The following GMDS variants were observed in gnomAD, a reference collection of about 807,000 sequenced individuals.
GMDS encodes GDP-mannose 4,6-dehydratase.
A neutral mutation model predicts 49.9 loss-of-function variants in GMDS; 20 were observed. The ratio of observed to expected loss-of-function variants is 0.40; its 90% confidence interval spans 0.28 to 0.58. The LOEUF is 0.58. Among genes scored for constraint, GMDS ranks in the 20% least tolerant of loss-of-function variants. The pLI, the probability that GMDS is intolerant of heterozygous loss-of-function variation, is 0.42. For missense variants in GMDS, 362 were observed against 481.4 expected, an observed-to-expected ratio of 0.75 and a Z score of 2.32; for synonymous variants, 177 against 178.6, an observed-to-expected ratio of 0.99 and a Z score of 0.07.
intron 4 of GMDS, among the ~76,000 whole-genome samples, chr6:2,010,394 T>C (rs1767489043): frequency 6.9e-6 from 1 of 145,678 alleles, no homozygotes; most frequent in Admixed American, 6.8e-5. Flanking sequence ...TACCCTAAGC[T>C]AGTGATATAG....
chr6:1,801,895 A>G (rs1429360628), intron 7 of GMDS, among the ~76,000 whole-genome samples: 1 of 152,186 alleles, frequency 6.6e-6, no homozygotes, highest in African/African-American at 2.4e-5. Flanking sequence ...TGGTTTATTT[A>G]TTTACATCTC....
At chr6:1,992,632 C>G (rs1057152214) in intron 4 of GMDS, among the ~76,000 whole-genome samples, 1 of 146,232 alleles carries the variant, frequency 6.8e-6, no homozygotes. Context: ...GTGACCCATG[C>G]CCACACTGCC....
chr6:1,709,968 CT>C (rs1320193234), intron 9 of GMDS, among the ~76,000 whole-genome samples: 1 of 152,196 alleles, frequency 6.6e-6, no homozygotes, highest in African/African-American at 2.4e-5. Context: ...AGAATTATTT[CT>C]GGAAATAGTT....
intron 4 of GMDS, among the ~76,000 whole-genome samples, chr6:2,094,252 T>C (rs1222209078): frequency 1.3e-5 from 2 of 152,196 alleles, no homozygotes; most frequent in African/African-American, 2.4e-5. Flanking sequence ...AGACACTGTA[T>C]AACAGACTAA....
intron 4 of GMDS, among the ~76,000 whole-genome samples, chr6:1,971,743 TAGC>T (rs1269078284): frequency 6.6e-6 from 1 of 152,218 alleles, no homozygotes; most frequent in South Asian, 2.1e-4. Flanking sequence ...CCCTACTGCT[TAGC>T]ACACAGGAGG....
intron 6 of GMDS, among the ~76,000 whole-genome samples, chr6:1,953,318 A>T (rs75455223): frequency 6.6e-6 from 1 of 151,652 alleles, no homozygotes; most frequent in African/African-American, 2.4e-5. Flanking sequence ...AATCACATTT[A>T]AAAAAAAAGA....
rs115702945 is a variant in GMDS at position 2,141,143 on chromosome 6, C to T, written c.103-16412G>A. Among the ~76,000 whole-genome samples the T allele has an allele frequency of 4.2e-3, 643 of 152,252 alleles. 5 individuals are homozygous for T. Among genetic ancestry groups the T allele is most frequent in the African/African-American group, 0.014 (595 of 41,544 alleles). ...TTAATAACAAAAAATGAGCTACAAACGGTTCAATAAAAGTCAAAGGTGAAA... is the reference window on the plus strand; with the variant it reads ...TTAATAACAAAAAATGAGCTACAAATGGTTCAATAAAAGTCAAAGGTGAAA... On this transcript the variant is annotated intron_variant, in intron 1 of 10. Transcript: ENST00000380815.
chr6:1,659,615 G>A (rs1419705878), intron 9 of GMDS, among the ~76,000 whole-genome samples: 2 of 152,142 alleles, frequency 1.3e-5, no homozygotes, highest in East Asian at 3.9e-4. Flanking sequence ...AAGGGCAGAT[G>A]CCACTGAGGG....
At chr6:2,075,585 C>A (rs552738640) in intron 4 of GMDS, among the ~76,000 whole-genome samples, 5 of 152,320 alleles carry the variant, frequency 3.3e-5, no homozygotes, top group Admixed American at 2.0e-4. Context: ...AGGACATGAA[C>A]TCATCATTTT....
chr6:1,900,610 T>C (rs772031111), intron 7 of GMDS, among the ~76,000 whole-genome samples: 5 of 152,182 alleles, frequency 3.3e-5, no homozygotes, highest in Non-Finnish European at 7.4e-5. Context: ...TTTCAGAAAC[T>C]AGTCATGAAG....
intron 7 of GMDS, among the ~76,000 whole-genome samples, chr6:1,886,707 C>T (rs761660832): frequency 1.3e-5 from 2 of 152,132 alleles, no homozygotes; most frequent in Non-Finnish European, 2.9e-5. Context: ...ACTAAAGTTT[C>T]TGTGTCAGAG....
chr6:1,795,213 A>G (rs566927577), intron 7 of GMDS, among the ~76,000 whole-genome samples: 3 of 152,194 alleles, frequency 2.0e-5, no homozygotes, highest in Non-Finnish European at 2.9e-5. Context: ...AATAATAACA[A>G]TCATCATCAT....
chr6:1,726,644 G>A (rs1418752258), intron 8 of GMDS, 132 bp from the exon 9 acceptor site: 5 of 641,104 alleles, frequency 7.8e-6, no homozygotes, highest in Non-Finnish European at 1.4e-5. Flanking sequence ...AGCACAGGCT[G>A]ATGCTCCAGC....
intron 1 of GMDS, among the ~76,000 whole-genome samples, chr6:2,218,130 C>A (rs905423295): frequency 3.3e-5 from 5 of 152,190 alleles, no homozygotes; most frequent in Non-Finnish European, 7.3e-5. Context: ...TTCCCCAGCA[C>A]CACCCCAAGC....
intron 1 of GMDS, among the ~76,000 whole-genome samples, chr6:2,138,025 A>C (rs906329772): frequency 5.9e-5 from 9 of 152,230 alleles, no homozygotes; most frequent in South Asian, 4.1e-4. Flanking sequence ...GAGCTGGGTC[A>C]ACTGTAATAG....
At chr6:1,682,203 T>C (rs1270072494) in intron 9 of GMDS, among the ~76,000 whole-genome samples, 1 of 152,236 alleles carries the variant, frequency 6.6e-6, no homozygotes, top group Non-Finnish European at 1.5e-5. Context: ...TTTCATGATA[T>C]GTCTTTATTT....
chr6:2,025,794 G>C (rs981758679), intron 4 of GMDS, among the ~76,000 whole-genome samples: 2 of 152,030 alleles, frequency 1.3e-5, no homozygotes, highest in African/African-American at 2.4e-5. Flanking sequence ...ATACAAAATG[G>C]AAACAAAGAG....
At chr6:1,674,705 A>G (rs1199407504) in intron 9 of GMDS, among the ~76,000 whole-genome samples, 5 of 138,238 alleles carry the variant, frequency 3.6e-5, no homozygotes, top group African/African-American at 1.3e-4. Context: ...TAGCTGGGAC[A>G]CCCAGCTAAT....
intron 2 of GMDS, among the ~76,000 whole-genome samples, chr6:2,120,984 A>G (rs1562073905): frequency 6.6e-6 from 1 of 152,178 alleles, no homozygotes; most frequent in Admixed American, 6.5e-5. Flanking sequence ...TGGGCTAAGT[A>G]TTTTCCATAT....
Sources: allele counts gnomAD v4.1 joint callset (sites outside exome capture counted in the v4.1 genomes callset), GRCh38; gene constraint gnomAD v4.1.1; transcripts MANE v1.5; gene names NCBI Gene and HGNC (gene_info 2026-07-23, HGNC 2026-07-21).